The following MFSD11 variants were observed in gnomAD, a reference collection of about 807,000 sequenced individuals.
The protein encoded by MFSD11 is major facilitator superfamily domain containing 11.
Under a neutral mutation model 53.5 loss-of-function variants are expected in MFSD11, and 36 were observed. The observed-to-expected ratio is 0.67, with a 90% CI of 0.52 to 0.89. The LOEUF (loss-of-function observed/expected upper bound fraction) is 0.89, where lower values mean the gene tolerates loss of function less well. Among genes scored for constraint, MFSD11 ranks in the 40% least tolerant of loss-of-function variants. The pLI is 0.00. For missense variants in MFSD11, 530 were observed against 543.9 expected, an observed-to-expected ratio of 0.97 and a Z score of 0.25; for synonymous variants, 186 against 184.9, an observed-to-expected ratio of 1.01 and a Z score of -0.05.
chr17:76,751,172 C>G (rs1041024893), intron 7 of MFSD11, among the ~76,000 whole-genome samples: 5 of 151,342 alleles, frequency 3.3e-5, no homozygotes, highest in Admixed American at 3.3e-4. Context: ...GGGCGGGTCA[C>G]GAGGTCAGGA....
chr17:76,738,366 C>G lies in MFSD11; in HGVS notation c.14C>G (p.Ser5Cys). 1 of 1,614,004 alleles carries G rather than the reference C, an allele frequency of 6.2e-7. No individual in the cohort carries two copies. Residue 5 changes from serine to cysteine, a missense_variant, in exon 1 of 13, where the codon TCT (serine) becomes TGT (cysteine). Ser to Cys is a moderately radical substitution (Grantham distance 112). Coordinates refer to ENST00000685175, the MANE Select transcript of MFSD11 (RefSeq NM_001242532.5). ...AGCTGAGCCAAAATGTCCCCGGAAT[C>G]TAAAAAGCTTTTCAACATCATTATT... MSPESKKLFNIIILG... is the reference protein window; with the variant it reads MSPECKKLFNIIILG...
rs147548921 is a variant in MFSD11 at position 76,764,982 on chromosome 17, C to A, written c.683-2404C>A. Among the ~76,000 whole-genome samples the A allele has an allele frequency of 3.3e-4, 51 of 152,244 alleles. 1 individual carries two copies. The highest frequency in any genetic ancestry group is 1.2e-3 in the African/African-American group (50 of 41,538). On this transcript the variant is annotated intron_variant, in intron 8 of 12. Transcript: ENST00000685175. ...CATCCCAACAGGTGTGAGGGGATGT[C>A]TTACTGTGGCTTTGATAAAGTTTTT...
At chr17:76,787,088 ACT>A in the MFSD11 span, among the ~76,000 whole-genome samples, 1 of 146,872 alleles carries the variant, frequency 6.8e-6, no homozygotes, top group Non-Finnish European at 1.5e-5. Flanking sequence ...TCTAGGCATG[ACT>A]CTCAGAAACA....
rs138032203 is a variant in MFSD11 at position 76,760,980 on chromosome 17, C to T, written c.683-6406C>T. Reference sequence around the variant, plus strand: ...CAGCACTTTGAGAGGCCGAGGTGGGCGGATCATGAGGTCAGGAGTTCGAGA... The same window carrying T: ...CAGCACTTTGAGAGGCCGAGGTGGGTGGATCATGAGGTCAGGAGTTCGAGA... On this transcript the variant is annotated intron_variant, in intron 8 of 12. Transcript: ENST00000685175. Among the ~76,000 whole-genome samples the T allele has an allele frequency of 2.4e-3, 368 of 151,966 alleles. 2 individuals are homozygous for T. Among genetic ancestry groups the T allele is most frequent in the African/African-American group, 8.3e-3 (344 of 41,428 alleles).
At chr17:76,768,325 G>T (rs1374667632) in intron 9 of MFSD11, among the ~76,000 whole-genome samples, 1 of 144,768 alleles carries the variant, frequency 6.9e-6, no homozygotes, top group African/African-American at 2.5e-5. Context: ...AAAAAAAAAA[G>T]TCATTTCTAA....
chr17:76,750,411 C>T (rs1270884620), intron 7 of MFSD11, among the ~76,000 whole-genome samples: 2 of 149,524 alleles, frequency 1.3e-5, no homozygotes, highest in African/African-American at 4.9e-5. Flanking sequence ...CTCTGTCGCC[C>T]AGGCTGGAGT....
At chr17:76,738,103 C>T (rs1319995655), upstream of MFSD11, 2 of 497,928 alleles carry the variant, frequency 4.0e-6, no homozygotes, top group African/African-American at 2.0e-5. Flanking sequence ...AAATTCTTGG[C>T]GCTTCTCCGG....
intron 8 of MFSD11, among the ~76,000 whole-genome samples, chr17:76,755,812 A>ATATATATATAT (rs1555669398): frequency 2.6e-4 from 5 of 19,518 alleles, no homozygotes; most frequent in African/African-American, 6.6e-4. Flanking sequence ...ATATATATAT[A>ATATATATATAT]TTTTTTTTTT....
intron 2 of MFSD11, among the ~76,000 whole-genome samples, chr17:76,739,722 G>C (rs953594436): frequency 6.6e-6 from 1 of 151,686 alleles, no homozygotes; most frequent in South Asian, 2.1e-4. Context: ...GCACTCCCCC[G>C]CCCCCCACAA....
chr17:76,802,974 G>A, the MFSD11 span, among the ~76,000 whole-genome samples: 3 of 151,922 alleles, frequency 2.0e-5, no homozygotes, highest in South Asian at 4.2e-4. Context: ...TGGCTAACAC[G>A]GTGAAACCCC....
chr17:76,784,691 T>G (rs577162248), downstream of MFSD11, among the ~76,000 whole-genome samples: 62 of 152,218 alleles, frequency 4.1e-4, 2 homozygotes, highest in Non-Finnish European at 1.3e-4. Context: ...GGTCAGGAGT[T>G]CGAGACCAGC....
intron 7 of MFSD11, among the ~76,000 whole-genome samples, chr17:76,747,045 C>T (rs1363524397): frequency 6.6e-6 from 1 of 151,720 alleles, no homozygotes; most frequent in African/African-American, 2.4e-5. Flanking sequence ...CAGTAACTGG[C>T]ATTACAGGCG....
At chr17:76,736,710 C>G (rs1312764787), upstream of MFSD11, 17 of 1,343,104 alleles carry the variant, frequency 1.3e-5, no homozygotes, top group Non-Finnish European at 1.6e-5. Context: ...CGGGCCCGCA[C>G]CACGTGCTTC....
At chr17:76,774,965 A>G (rs1047942358) in intron 10 of MFSD11, 32 bp from the exon 11 acceptor site, 11 of 1,602,474 alleles carry the variant, frequency 6.9e-6, no homozygotes, top group Non-Finnish European at 9.4e-6. Flanking sequence ...TTTCGGCAAC[A>G]TTAGTGACGT....
chr17:76,736,885 G>T (rs756005065), upstream of MFSD11: 1 of 1,611,906 alleles, frequency 6.2e-7, no homozygotes, highest in Non-Finnish European at 8.5e-7. Context: ...GGGGGCGGCC[G>T]TAGCGCGCCA....
At chr17:76,802,636 C>T in the MFSD11 span, among the ~76,000 whole-genome samples, 1 of 152,064 alleles carries the variant, frequency 6.6e-6, no homozygotes, top group Non-Finnish European at 1.5e-5. Context: ...CCCAGCACTT[C>T]GGGAGGCCGA....
chr17:76,794,268 G>C, the MFSD11 span, among the ~76,000 whole-genome samples: 1 of 151,204 alleles, frequency 6.6e-6, no homozygotes, highest in Non-Finnish European at 1.5e-5. Flanking sequence ...TGGATTACCT[G>C]AGGTCAGGAG....
chr17:76,754,934 A>T (rs1044251180), intron 8 of MFSD11, among the ~76,000 whole-genome samples: 3 of 152,088 alleles, frequency 2.0e-5, no homozygotes, highest in African/African-American at 7.2e-5. Flanking sequence ...AAATAATTTA[A>T]GGGCCAGGCA....
rs910200230 is a variant in MFSD11 at position 76,775,175 on chromosome 17, T to C, written c.1049+4T>C. ...GCAGTGCTTACATCAAATCCAGGTA[T>C]AGTGGCTGTCATTTCTCTAGTCGCT... is the stretch of plus-strand genomic sequence containing the variant. On this transcript the variant is annotated splice_donor_region_variant and intron_variant, in intron 11 of 12. Coordinates refer to ENST00000685175, the MANE Select transcript of MFSD11 (RefSeq NM_001242532.5). 1.9e-6 allele frequency: 3 copies of C among 1,613,072 alleles called. No individual in the cohort carries two copies. The highest frequency in any genetic ancestry group is 2.5e-6 in the Non-Finnish European group (3 of 1,179,608).
Sources: allele counts gnomAD v4.1 joint callset (sites outside exome capture counted in the v4.1 genomes callset), GRCh38; gene constraint gnomAD v4.1.1; transcripts MANE v1.5; gene names NCBI Gene and HGNC (gene_info 2026-07-23, HGNC 2026-07-21).